Variants in NAV2 observed in about 807,000 individuals in gnomAD.
NAV2 encodes the protein helicase, APC down-regulated 1.
A neutral mutation model predicts 223.2 loss-of-function variants in NAV2; 54 were observed. That is an observed-to-expected ratio of 0.24 (90% CI 0.19 to 0.30). The LOEUF (loss-of-function observed/expected upper bound fraction) is 0.30. NAV2 is among the 10% of genes least tolerant of loss of function. The pLI is 1.00. For missense variants in NAV2, 2,806 were observed against 3,147.5 expected (o/e 0.89, Z 2.60); for synonymous variants, 1,279 against 1,239.3 (o/e 1.03, Z -0.67).
intron 1 of NAV2, among the ~76,000 whole-genome samples, chr11:19,767,520 A>G (rs2055331655): frequency 6.6e-6 from 1 of 152,240 alleles, no homozygotes; most frequent in African/African-American, 2.4e-5. Context: ...TTGCAAAGTT[A>G]AAAATGCTCT....
intron 1 of NAV2, among the ~76,000 whole-genome samples, chr11:19,785,360 A>G (rs2057028330): frequency 6.6e-6 from 1 of 152,204 alleles, no homozygotes; most frequent in Non-Finnish European, 1.5e-5. Context: ...GCGAGAAGAG[A>G]GAGCACTTAG....
At chr11:19,505,163 C>T (rs7932438) in intron 1 of NAV2, 50,594 of 152,154 alleles carry the variant, frequency 0.33, 8,943 homozygotes, top group South Asian at 0.4. Context: ...GAGGTTACTG[C>T]GTGAGCACAC....
intron 1 of NAV2, among the ~76,000 whole-genome samples, chr11:19,801,315 T>C (rs1241175111): frequency 6.6e-6 from 1 of 152,368 alleles, no homozygotes; most frequent in African/African-American, 2.4e-5. Flanking sequence ...GCCCCTCTCC[T>C]CTTTGCACTG....
chr11:19,652,386 G>A (rs549929144), intron 1 of NAV2, among the ~76,000 whole-genome samples: 2 of 152,252 alleles, frequency 1.3e-5, no homozygotes, highest in South Asian at 4.1e-4. Flanking sequence ...CTGAGGATGT[G>A]GGCCAAGGGT....
intron 1 of NAV2, among the ~76,000 whole-genome samples, chr11:19,575,100 C>A (rs2045535929): frequency 2.0e-5 from 3 of 152,228 alleles, no homozygotes; most frequent in Non-Finnish European, 4.4e-5. Flanking sequence ...CACTTAAGAT[C>A]CGGGGTGCTG....
chr11:20,107,604 C>T (rs771868835), intron 35 of NAV2, 60 bp from the exon 36 acceptor site: 1 of 1,341,736 alleles, frequency 7.5e-7, no homozygotes, highest in Non-Finnish European at 1.1e-6. Context: ...CATGGCTTCA[C>T]CTGATGCCCC....
intron 1 of NAV2, among the ~76,000 whole-genome samples, chr11:19,802,970 C>G (rs946840189): frequency 6.6e-6 from 1 of 152,186 alleles, no homozygotes; most frequent in African/African-American, 2.4e-5. Flanking sequence ...ATCACAGAGG[C>G]CTCCTTTCCA....
At chr11:19,347,218 C>G (rs753040604), upstream of NAV2, among the ~76,000 whole-genome samples, 6 of 152,152 alleles carry the variant, frequency 3.9e-5, no homozygotes, top group South Asian at 1.2e-3. Flanking sequence ...TAAGTTATAC[C>G]TAAGAAGGCC....
At chr11:19,821,505 G>A (rs951255612) in intron 1 of NAV2, among the ~76,000 whole-genome samples, 4 of 152,170 alleles carry the variant, frequency 2.6e-5, no homozygotes, top group African/African-American at 4.8e-5. Context: ...TGGCTGTGGT[G>A]CCATTCACAG....
intron 1 of NAV2, among the ~76,000 whole-genome samples, chr11:19,799,337 A>G (rs77692431): frequency 0.074 from 11,285 of 152,166 alleles, 470 homozygotes; most frequent in Middle Eastern, 0.092. Flanking sequence ...GTTCCAGATT[A>G]CAGATCTTCA....
intron 1 of NAV2, among the ~76,000 whole-genome samples, chr11:19,474,095 A>C (rs11025148): frequency 0.35 from 53,877 of 152,126 alleles, 10,576 homozygotes; most frequent in Non-Finnish European, 0.44. Context: ...CTGTGCCAGA[A>C]ATAATTTCAG....
At chr11:20,036,546 C>T (rs1161021636) in intron 12 of NAV2, among the ~76,000 whole-genome samples, 1 of 152,112 alleles carries the variant, frequency 6.6e-6, no homozygotes, top group Non-Finnish European at 1.5e-5. Flanking sequence ...ACCGGAAGGC[C>T]GGGATGTCCT....
chr11:19,897,584 A>G (rs1398115941), intron 6 of NAV2, among the ~76,000 whole-genome samples: 1 of 152,140 alleles, frequency 6.6e-6, no homozygotes, highest in Non-Finnish European at 1.5e-5. Flanking sequence ...AATACTTCTT[A>G]GCTAGAAAAG....
At chr11:19,994,462 G>T (rs754046482) in intron 11 of NAV2, among the ~76,000 whole-genome samples, 3 of 151,702 alleles carry the variant, frequency 2.0e-5, no homozygotes, top group East Asian at 3.9e-4. Context: ...CAGGAGAATC[G>T]CTTGAACCGG....
intron 1 of NAV2, among the ~76,000 whole-genome samples, chr11:19,542,401 C>T (rs1590461792): frequency 6.6e-6 from 1 of 152,216 alleles, no homozygotes; most frequent in African/African-American, 2.4e-5. Context: ...GGAATTTGTT[C>T]ATGGCCCCAA....
At chr11:19,846,501 G>T (rs918166991) in intron 3 of NAV2, among the ~76,000 whole-genome samples, 14 of 152,162 alleles carry the variant, frequency 9.2e-5, no homozygotes, top group Non-Finnish European at 1.5e-5. Context: ...AAAATTCGAG[G>T]TCATCAATTC....
rs539852130 is a variant in NAV2 at position 19,555,833 on chromosome 11, G to A, written c.75+204806G>A. ...GCCTGGAAGAAGATGTACCTTCCTC[G>A]AGCCCACCCAGCCCCAGCCCCAGCC... On this transcript the variant is annotated intron_variant, in intron 1 of 37. Transcript: ENST00000360655. Among the ~76,000 whole-genome samples, 282 of 151,992 alleles carry A rather than the reference G, an allele frequency of 1.9e-3. 8 individuals are homozygous for A. In the South Asian group the frequency reaches 0.057, roughly 31 times the overall value.
At chr11:20,060,346 T>A (rs367723699) in intron 19 of NAV2, among the ~76,000 whole-genome samples, 2 of 152,264 alleles carry the variant, frequency 1.3e-5, no homozygotes, top group East Asian at 3.8e-4. Flanking sequence ...GTAAGCTGAA[T>A]TAACTTACCT....
rs116898457 is a variant in NAV2, at chr11:19,693,708, T to A, written c.76-138776T>A. Among the ~76,000 whole-genome samples, 786 of 152,264 alleles carry A rather than the reference T, an allele frequency of 5.2e-3. 3 individuals are homozygous for A. Among genetic ancestry groups the A allele is most frequent in the Non-Finnish European group, 7.5e-3 (510 of 68,024 alleles). ...CATGGTTTTCTGGTTAAATAACAAGTGTGTCTGTCCCAGTCTCAGCCTAGT... is the reference window on the plus strand; with the variant it reads ...CATGGTTTTCTGGTTAAATAACAAGAGTGTCTGTCCCAGTCTCAGCCTAGT... On this transcript the variant is annotated intron_variant, in intron 1 of 37. Transcript: ENST00000360655.
Sources: gnomAD v4.1 joint callset for allele counts (sites outside exome capture counted in the v4.1 genomes callset) on GRCh38, gnomAD v4.1.1 for gene constraint, MANE v1.5 for transcripts, NCBI Gene and HGNC (gene_info 2026-07-23, HGNC 2026-07-21) for gene names.